Variants in RNLS observed in about 807,000 individuals in gnomAD.
RNLS encodes the protein renalase.
RNLS carries 39 observed loss-of-function variants against 39.8 expected under a neutral mutation model. The observed-to-expected ratio is 0.98, with a 90% confidence interval of 0.76 to 1.28. The LOEUF is 1.28. Among genes scored for constraint, RNLS ranks in the 50% most tolerant of loss-of-function variants. RNLS has a pLI of 0.00. For missense variants in RNLS, 410 were observed against 413.3 expected (o/e 0.99, Z 0.07); for synonymous variants, 147 against 150.7 (o/e 0.98, Z 0.18).
chr10:88,458,237 G>T (rs1842747818), intron 4 of RNLS, among the ~76,000 whole-genome samples: 3 of 152,148 alleles, frequency 2.0e-5, no homozygotes, highest in Admixed American at 6.5e-5. Context: ...ACTAGGTAGT[G>T]CCACATCCAT....
At chr10:88,512,227 C>T (rs777088691) in intron 4 of RNLS, among the ~76,000 whole-genome samples, 15 of 151,972 alleles carry the variant, frequency 9.9e-5, no homozygotes, top group East Asian at 1.9e-4. Flanking sequence ...AAGGAAGATG[C>T]GATTTAGAGA....
At chr10:88,503,670 A>T (rs1047826732) in intron 4 of RNLS, among the ~76,000 whole-genome samples, 2 of 152,170 alleles carry the variant, frequency 1.3e-5, no homozygotes, top group African/African-American at 4.8e-5. Context: ...CATAGAACAA[A>T]TGTTGTGAGC....
At chr10:88,293,816 T>C (rs1052763380) in intron 6 of RNLS, among the ~76,000 whole-genome samples, 1 of 152,172 alleles carries the variant, frequency 6.6e-6, no homozygotes, top group Non-Finnish European at 1.5e-5. Context: ...GAGGAGCTAA[T>C]GTGAGCTTTG....
chr10:88,312,055 G>A (rs1564683040), intron 6 of RNLS, among the ~76,000 whole-genome samples: 1 of 152,228 alleles, frequency 6.6e-6, no homozygotes, highest in Non-Finnish European at 1.5e-5. Flanking sequence ...GGTGTGGCAG[G>A]CAGAAGTAAT....
intron 4 of RNLS, among the ~76,000 whole-genome samples, chr10:88,390,134 G>A (rs1016976354): frequency 6.6e-6 from 1 of 152,240 alleles, no homozygotes; most frequent in African/African-American, 2.4e-5. Context: ...CATCAAAATG[G>A]TAAGTGTCCC....
chr10:88,230,720 T>C, the RNLS span, among the ~76,000 whole-genome samples: 1 of 152,246 alleles, frequency 6.6e-6, no homozygotes, highest in Non-Finnish European at 1.5e-5. Flanking sequence ...AACCTATTAT[T>C]TGAGACATCT....
intron 4 of RNLS, among the ~76,000 whole-genome samples, chr10:88,500,340 C>T (rs1318843116): frequency 2.0e-5 from 3 of 152,088 alleles, no homozygotes; most frequent in Non-Finnish European, 2.9e-5. Flanking sequence ...ACAAAAGATA[C>T]AATTTGTTCC....
chr10:88,368,003 CCTAA>C (rs1168038361), intron 4 of RNLS, among the ~76,000 whole-genome samples: 3 of 151,780 alleles, frequency 2.0e-5, no homozygotes, highest in East Asian at 3.9e-4. Context: ...TTTAATATAG[CCTAA>C]CTTATTTTTT....
At chr10:88,503,284 G>A (rs1418059001) in intron 4 of RNLS, among the ~76,000 whole-genome samples, 1 of 152,170 alleles carries the variant, frequency 6.6e-6, no homozygotes, top group East Asian at 1.9e-4. Context: ...GGGAGGCTGA[G>A]GCATGAGAAT....
intron 5 of RNLS, among the ~76,000 whole-genome samples, chr10:88,341,076 AAAC>A (rs1847914675): frequency 1.3e-5 from 2 of 149,266 alleles, no homozygotes; most frequent in African/African-American, 4.9e-5. Context: ...AAAAAACAAA[AAAC>A]AGCAATTTGG....
intron 4 of RNLS, among the ~76,000 whole-genome samples, chr10:88,504,701 A>G (rs1411913454): frequency 1.3e-5 from 2 of 152,244 alleles, no homozygotes; most frequent in East Asian, 3.9e-4. Flanking sequence ...CTCAGACTGT[A>G]TACACTCTAC....
chr10:88,497,639 G>C (rs924011799), intron 4 of RNLS, among the ~76,000 whole-genome samples: 3 of 152,058 alleles, frequency 2.0e-5, no homozygotes, highest in Non-Finnish European at 4.4e-5. Flanking sequence ...TGGATTGGAG[G>C]ATGTGGTCAT....
At chr10:88,414,549 C>T (rs901904728) in intron 4 of RNLS, among the ~76,000 whole-genome samples, 5 of 152,116 alleles carry the variant, frequency 3.3e-5, no homozygotes, top group African/African-American at 9.7e-5. Flanking sequence ...TCTGAAAATA[C>T]ATTTATGGAT....
chr10:88,218,066 A>AG, the RNLS span, among the ~76,000 whole-genome samples: 4 of 152,274 alleles, frequency 2.6e-5, no homozygotes, highest in African/African-American at 9.6e-5. Flanking sequence ...GAAAAAAAAA[A>AG]TAAAAGACTC....
intron 4 of RNLS, among the ~76,000 whole-genome samples, chr10:88,501,311 A>G (rs1389762094): frequency 6.6e-6 from 1 of 152,158 alleles, no homozygotes; most frequent in Non-Finnish European, 1.5e-5. Flanking sequence ...CAAAATGGTG[A>G]TACTACCTAT....
At chr10:88,363,134 A>G (rs1324470547) in intron 4 of RNLS, among the ~76,000 whole-genome samples, 1 of 152,138 alleles carries the variant, frequency 6.6e-6, no homozygotes, top group African/African-American at 2.4e-5. Context: ...TTTGAAAGGT[A>G]GAGTATTATT....
intron 4 of RNLS, among the ~76,000 whole-genome samples, chr10:88,542,738 G>A (rs1007941736): frequency 2.0e-5 from 3 of 152,120 alleles, no homozygotes; most frequent in Admixed American, 2.0e-4. Flanking sequence ...GATAATAGAT[G>A]CTAAAATTAC....
chr10:88,316,176 G>A (rs1002686589), intron 5 of RNLS, among the ~76,000 whole-genome samples: 2 of 152,154 alleles, frequency 1.3e-5, no homozygotes, highest in East Asian at 3.8e-4. Context: ...AAATGCAATG[G>A]TAAGCTGGGC....
the RNLS span, among the ~76,000 whole-genome samples, chr10:88,251,711 T>C: frequency 2.6e-5 from 4 of 152,246 alleles, no homozygotes; most frequent in Admixed American, 2.6e-4. Context: ...CACACAAAGC[T>C]GGAATGACAC....
Sources: gnomAD v4.1 joint callset for allele counts (sites outside exome capture counted in the v4.1 genomes callset) on GRCh38, gnomAD v4.1.1 for gene constraint, MANE v1.5 for transcripts, NCBI Gene and HGNC (gene_info 2026-07-23, HGNC 2026-07-21) for gene names.